Variants in DLGAP2 observed in about 807,000 individuals in gnomAD.
The protein encoded by DLGAP2 is DLG associated protein 2, also known as disks large-associated protein 2.
DLGAP2 carries 26 observed loss-of-function variants against 100.3 expected under a neutral mutation model. That is an observed-to-expected ratio of 0.26 (90% CI 0.19 to 0.36). DLGAP2 has a LOEUF of 0.36. Ranked by LOEUF, DLGAP2 falls within the 10% of genes least tolerant of loss-of-function variation. The pLI is 1.00. For synonymous variants in DLGAP2, 886 were observed against 630.1 expected, an observed-to-expected ratio of 1.41 and a Z score of -6.08; for missense variants, 1,858 against 1,453.2, an observed-to-expected ratio of 1.28 and a Z score of -4.53.
chr8:1,048,614 G>A (rs1313234156), intron 2 of DLGAP2, among the ~76,000 whole-genome samples: 1 of 151,492 alleles, frequency 6.6e-6, no homozygotes, highest in Non-Finnish European at 1.5e-5. Flanking sequence ...GTTTCCTTGG[G>A]CCAAATAATT....
At chr8:1,570,922 GA>G (rs1297553400) in intron 6 of DLGAP2, among the ~76,000 whole-genome samples, 1 of 138,672 alleles carries the variant, frequency 7.2e-6, no homozygotes, top group Non-Finnish European at 1.6e-5. Context: ...GGAGAGGAGA[GA>G]GGGTGAACTG....
chr8:786,215 C>T (rs572367322), intron 1 of DLGAP2, among the ~76,000 whole-genome samples: 9 of 152,274 alleles, frequency 5.9e-5, no homozygotes, highest in African/African-American at 2.2e-4. Flanking sequence ...CATCAGTTTC[C>T]TCAGTAGCTC....
chr8:1,300,694 G>C (rs1585237062), intron 3 of DLGAP2: 1 of 152,364 alleles, frequency 6.6e-6, no homozygotes, highest in Admixed American at 6.5e-5. Flanking sequence ...CGGCCTAGGA[G>C]ACGGGGATGG....
chr8:1,534,899 T>C (rs192870317), intron 4 of DLGAP2, among the ~76,000 whole-genome samples: 1 of 152,252 alleles, frequency 6.6e-6, no homozygotes, highest in Admixed American at 6.5e-5. Flanking sequence ...TAAGAGTTAA[T>C]GAAATCCTAA....
chr8:1,287,634 GT>G (rs1799967754), intron 3 of DLGAP2, among the ~76,000 whole-genome samples: 1 of 18,580 alleles, frequency 5.4e-5, no homozygotes, highest in African/African-American at 2.4e-4. Context: ...TTTCGGTTGA[GT>G]GTGTGTGTGT....
At chr8:1,202,168 G>A (rs1430794876) in intron 2 of DLGAP2, among the ~76,000 whole-genome samples, 1 of 152,022 alleles carries the variant, frequency 6.6e-6, no homozygotes. Context: ...TACAGTATCT[G>A]TGTATCTGTG....
chr8:1,164,045 C>G (rs754293981), intron 2 of DLGAP2, among the ~76,000 whole-genome samples: 2 of 152,208 alleles, frequency 1.3e-5, no homozygotes, highest in African/African-American at 2.4e-5. Flanking sequence ...TCTAGTGAGA[C>G]TCGGTCCTTA....
rs139279529 is a variant in DLGAP2, at chr8:1,335,996, C to T, written c.106+77113C>T. Reference sequence around the variant, plus strand: ...GCTTTGTGCTTTTTCCGGTAAAGAGCTCCAGGGGGGAAAACATCACAATAT... The same window carrying T: ...GCTTTGTGCTTTTTCCGGTAAAGAGTTCCAGGGGGGAAAACATCACAATAT... On this transcript the variant is annotated intron_variant, in intron 3 of 14. Transcript: ENST00000637795. 1.6e-3 allele frequency among the ~76,000 whole-genome samples: 242 copies of T among 152,254 alleles called. 2 individuals are homozygous for T. The highest frequency in any genetic ancestry group is 2.8e-3 in the Non-Finnish European group (190 of 68,026).
chr8:946,274 T>G (rs535791941), intron 2 of DLGAP2, among the ~76,000 whole-genome samples: 16 of 151,822 alleles, frequency 1.1e-4, no homozygotes, highest in Admixed American at 9.8e-4. Context: ...CTTAGGTTTT[T>G]TTTTTTTTTT....
At chr8:795,279 C>G (rs1373132439) in intron 1 of DLGAP2, among the ~76,000 whole-genome samples, 5 of 152,152 alleles carry the variant, frequency 3.3e-5, no homozygotes, top group Non-Finnish European at 7.3e-5. Flanking sequence ...GCTTAGACAC[C>G]TGATTTAATA....
chr8:1,228,500 C>T (rs987236710), intron 2 of DLGAP2, among the ~76,000 whole-genome samples: 2 of 152,140 alleles, frequency 1.3e-5, no homozygotes, highest in African/African-American at 4.8e-5. Context: ...ACAATGACAT[C>T]ATAAGAAACT....
At chr8:1,198,204 T>C (rs1030680184) in intron 2 of DLGAP2, among the ~76,000 whole-genome samples, 1 of 152,008 alleles carries the variant, frequency 6.6e-6, no homozygotes, top group Admixed American at 6.6e-5. Context: ...AAGGAGCAAT[T>C]TCCTTGAGGA....
intron 3 of DLGAP2, among the ~76,000 whole-genome samples, chr8:1,270,525 G>A (rs533688419): frequency 6.6e-6 from 1 of 152,162 alleles, no homozygotes; most frequent in Non-Finnish European, 1.5e-5. Context: ...TAAGCCCAGC[G>A]GACAGAGTCA....
At chr8:1,234,816 AG>A (rs1798608693) in intron 2 of DLGAP2, among the ~76,000 whole-genome samples, 1 of 152,162 alleles carries the variant, frequency 6.6e-6, no homozygotes, top group Admixed American at 6.5e-5. Flanking sequence ...CAAGTGAGTG[AG>A]TTCACGGCGT....
chr8:1,252,720 G>A (rs945516348), intron 2 of DLGAP2, among the ~76,000 whole-genome samples: 14 of 152,266 alleles, frequency 9.2e-5, no homozygotes, highest in South Asian at 2.1e-4. Flanking sequence ...AGTGGCCATG[G>A]CGGCCAGGCA....
At chr8:1,234,208 G>C (rs975054824) in intron 2 of DLGAP2, among the ~76,000 whole-genome samples, 3 of 152,228 alleles carry the variant, frequency 2.0e-5, no homozygotes, top group African/African-American at 7.2e-5. Flanking sequence ...GCACCTGTCT[G>C]CTGGGACTTC....
intron 3 of DLGAP2, among the ~76,000 whole-genome samples, chr8:1,326,780 G>A (rs1000336858): frequency 3.3e-5 from 5 of 152,178 alleles, no homozygotes; most frequent in African/African-American, 4.8e-5. Flanking sequence ...GTTCACAGCT[G>A]TTTCCATCTC....
At chr8:797,659 C>G (rs1796063135) in intron 1 of DLGAP2, among the ~76,000 whole-genome samples, 1 of 152,208 alleles carries the variant, frequency 6.6e-6, no homozygotes, top group African/African-American at 2.4e-5. Flanking sequence ...TGCACTGCCT[C>G]ATACTCCCAC....
rs1334820813 is a variant in DLGAP2 at position 804,163 on chromosome 8, G to T, written c.18+66338G>T. The stretch of plus-strand genomic sequence containing the variant: ...TGGAGATCTTTAAAAACCAGAGGGA[G>T]AATCATATATTTGTTTAATAATAGA... On this transcript the variant is annotated intron_variant, in intron 1 of 14. Coordinates refer to ENST00000637795, the MANE Select transcript of DLGAP2 (RefSeq NM_001346810.2). 2.6e-5 allele frequency among the ~76,000 whole-genome samples: 4 copies of T among 152,136 alleles called. No homozygotes were observed. In the South Asian group the frequency reaches 8.3e-4, roughly 32 times the overall value.
Sources: allele counts gnomAD v4.1 joint callset (sites outside exome capture counted in the v4.1 genomes callset), GRCh38; gene constraint gnomAD v4.1.1; transcripts MANE v1.5; gene names NCBI Gene and HGNC (gene_info 2026-07-23, HGNC 2026-07-21).